The following DLG2 variants were observed in gnomAD, a reference collection of about 807,000 sequenced individuals.
The protein encoded by DLG2 is disks large homolog 2.
In DLG2, 45 loss-of-function variants were observed where a neutral mutation model predicts 132.5. The observed-to-expected ratio is 0.34, with a 90% CI of 0.27 to 0.44. The LOEUF is 0.44. Among genes scored for constraint, DLG2 ranks in the 20% least tolerant of loss-of-function variants. DLG2 has a pLI of 1.00. For synonymous variants in DLG2, 424 were observed against 419.6 expected, an observed-to-expected ratio of 1.01 and a Z score of -0.13; for missense variants, 1,045 against 1,196.9, an observed-to-expected ratio of 0.87 and a Z score of 1.87.
chr11:84,671,319 T>A (rs1405698813), intron 6 of DLG2, among the ~76,000 whole-genome samples: 1 of 152,052 alleles, frequency 6.6e-6, no homozygotes, highest in Non-Finnish European at 1.5e-5. Context: ...CCTAAACCAG[T>A]CTTGAACTCC....
Position 84,355,861 on chromosome 11 carries a change from C to G in DLG2, c.520-104570G>C, listed in dbSNP as rs552307383. Among the ~76,000 whole-genome samples, 12 of 152,190 alleles carry G rather than the reference C, an allele frequency of 7.9e-5. No homozygotes were observed. The South Asian group carries it at 2.3e-3, about 29-fold the overall frequency. On this transcript the variant is annotated intron_variant, in intron 7 of 27. Transcript: ENST00000376104. ...GACTTGCACCTGATTTTCCCAGCAT[C>G]TTGCATAGTGTCCAAATGTGTCACT...
At chr11:84,570,511 A>T (rs1809088482) in intron 6 of DLG2, among the ~76,000 whole-genome samples, 1 of 152,184 alleles carries the variant, frequency 6.6e-6, no homozygotes, top group African/African-American at 2.4e-5. Context: ...TATTATTTTC[A>T]ATGCCTGGCA....
chr11:84,326,587 T>C (rs897636842), intron 7 of DLG2, among the ~76,000 whole-genome samples: 11 of 152,226 alleles, frequency 7.2e-5, no homozygotes, highest in Non-Finnish European at 1.0e-4. Flanking sequence ...GGAAAATATA[T>C]TTGGCATGAT....
At chr11:83,585,724 A>G (rs2097073407) in intron 19 of DLG2, among the ~76,000 whole-genome samples, 1 of 152,232 alleles carries the variant, frequency 6.6e-6, no homozygotes. Context: ...ACCTTCTCAA[A>G]GAGAATTTCT....
At chr11:84,789,981 A>G (rs935091643) in intron 6 of DLG2, among the ~76,000 whole-genome samples, 3 of 152,116 alleles carry the variant, frequency 2.0e-5, no homozygotes, top group African/African-American at 7.2e-5. Flanking sequence ...TTATCAATTG[A>G]TCTGTTCATG....
intron 11 of DLG2, among the ~76,000 whole-genome samples, chr11:84,027,076 C>T (rs2095555977): frequency 6.6e-6 from 1 of 151,950 alleles, no homozygotes; most frequent in Admixed American, 6.6e-5. Flanking sequence ...TCCCCAGCTA[C>T]AGGGATGGCC....
chr11:83,945,973 C>CCT (rs1338581440), intron 14 of DLG2, among the ~76,000 whole-genome samples: 3,095 of 142,162 alleles, frequency 0.022, 57 homozygotes, highest in East Asian at 0.1. Flanking sequence ...TTCCTTTTCT[C>CCT]TTTCTCTTTC....
Position 85,081,693 on chromosome 11 carries a change from T to G in DLG2, c.357+29968A>C, listed in dbSNP as rs565338853. ...ATGAGCTTTTTAACTGCAGCAACTT[T>G]AATGTAAGCTATTGGAGTTGGAATT... On this transcript the variant is annotated intron_variant, in intron 6 of 27. Coordinates refer to ENST00000376104, the MANE Select transcript of DLG2 (RefSeq NM_001142699.3). Among the ~76,000 whole-genome samples, 116 of 152,324 alleles carry G rather than the reference T, an allele frequency of 7.6e-4. 3 individuals are homozygous for G. In the South Asian group the frequency reaches 0.023, roughly 30 times the overall value.
chr11:84,369,564 G>A (rs978205574), intron 7 of DLG2, among the ~76,000 whole-genome samples: 6 of 152,016 alleles, frequency 3.9e-5, no homozygotes, highest in Admixed American at 6.6e-5. Flanking sequence ...TACACACAAG[G>A]AATAGCTTCA....
intron 6 of DLG2, among the ~76,000 whole-genome samples, chr11:84,930,641 G>C (rs775744497): frequency 2.0e-5 from 3 of 152,016 alleles, no homozygotes; most frequent in Non-Finnish European, 4.4e-5. Context: ...CAACACACAA[G>C]TCCTCAACTT....
intron 9 of DLG2, among the ~76,000 whole-genome samples, chr11:84,109,473 G>T (rs2093206905): frequency 6.6e-6 from 1 of 152,168 alleles, no homozygotes; most frequent in Admixed American, 6.6e-5. Context: ...GAGTCAGAAA[G>T]CAAGGAGAGC....
chr11:85,050,118 T>TCACACACA lies in DLG2; in HGVS notation c.357+61535_357+61542dup, dbSNP rs33991615. 6.6e-3 allele frequency among the ~76,000 whole-genome samples: 906 copies of TCACACACA among 136,804 alleles called. 6 individuals carry two copies. Among genetic ancestry groups the TCACACACA allele is most frequent in the African/African-American group, 0.014 (508 of 36,534 alleles). The allele number at this position is 136,804 out of a possible 152,430, so 89.7% of individuals were successfully genotyped here. On this transcript the variant is annotated intron_variant, in intron 6 of 27. Transcript: ENST00000376104. Reference sequence around the variant, plus strand: ...GGAAGAGAACTGACCCACTGTGTCATCACACACACACACACACACACACAC... The same window carrying TCACACACA: ...GGAAGAGAACTGACCCACTGTGTCATCACACACACACACACACACACACACACACACAC...
chr11:84,700,952 G>T (rs775146382), intron 6 of DLG2, among the ~76,000 whole-genome samples: 3 of 151,326 alleles, frequency 2.0e-5, no homozygotes, highest in African/African-American at 7.3e-5. Flanking sequence ...CATATGTACC[G>T]GTCCTTGATC....
At chr11:85,309,909 T>C (rs915663834) in intron 3 of DLG2, among the ~76,000 whole-genome samples, 1 of 152,196 alleles carries the variant, frequency 6.6e-6, no homozygotes, top group Non-Finnish European at 1.5e-5. Context: ...TATGAGTTCC[T>C]TGAGGGTCAG....
chr11:84,701,882 C>G (rs904418252), intron 6 of DLG2, among the ~76,000 whole-genome samples: 2 of 151,458 alleles, frequency 1.3e-5, no homozygotes, highest in African/African-American at 4.8e-5. Context: ...TAAAGGTTTT[C>G]TCAAGTCATA....
chr11:83,931,868 T>TA (rs1200943631), intron 14 of DLG2, among the ~76,000 whole-genome samples: 2 of 152,220 alleles, frequency 1.3e-5, no homozygotes, highest in Non-Finnish European at 2.9e-5. Flanking sequence ...AGTGGACTGA[T>TA]ATTTGCTAAG....
chr11:84,424,721 A>AT (rs991682294), intron 7 of DLG2, among the ~76,000 whole-genome samples: 2 of 152,128 alleles, frequency 1.3e-5, no homozygotes, highest in South Asian at 2.1e-4. Context: ...TCTTTAAGGC[A>AT]TTTTTTGGGG....
intron 19 of DLG2, among the ~76,000 whole-genome samples, chr11:83,574,717 C>T (rs1450955674): frequency 6.6e-6 from 1 of 152,196 alleles, no homozygotes; most frequent in Non-Finnish European, 1.5e-5. Context: ...AACCTCCCAT[C>T]AGAACTGTTG....
intron 6 of DLG2, among the ~76,000 whole-genome samples, chr11:84,980,013 G>C (rs1167109078): frequency 6.6e-6 from 1 of 151,820 alleles, no homozygotes; most frequent in African/African-American, 2.4e-5. Flanking sequence ...TGGCCTATAA[G>C]GTTTTCAAGG....
Sources: allele counts gnomAD v4.1 joint callset (sites outside exome capture counted in the v4.1 genomes callset), GRCh38; gene constraint gnomAD v4.1.1; transcripts MANE v1.5; gene names NCBI Gene and HGNC (gene_info 2026-07-23, HGNC 2026-07-21).